Variants in PEAK1 observed in about 807,000 individuals in gnomAD.
PEAK1 encodes pseudopodium enriched atypical kinase 1.
Under a neutral mutation model 124.7 loss-of-function variants are expected in PEAK1, and 54 were observed. The ratio of observed to expected loss-of-function variants is 0.43; its 90% confidence interval spans 0.35 to 0.54. PEAK1 has a LOEUF of 0.54. Ranked by LOEUF, PEAK1 falls within the 20% of genes least tolerant of loss-of-function variation. The pLI, the probability that PEAK1 is intolerant of heterozygous loss-of-function variation, is 0.01. For synonymous variants in PEAK1, 719 were observed against 760.0 expected (o/e 0.95, Z 0.89); for missense variants, 2,046 against 2,134.5 (o/e 0.96, Z 0.82).
chr15:77,247,961 C>T (rs749066581), intron 6 of PEAK1, among the ~76,000 whole-genome samples: 1 of 152,122 alleles, frequency 6.6e-6, no homozygotes, highest in Non-Finnish European at 1.5e-5. Context: ...CACAATACTA[C>T]TAATTTTATA....
intron 2 of PEAK1, among the ~76,000 whole-genome samples, chr15:77,342,742 T>TTAGC (rs1327091507): frequency 1.3e-5 from 2 of 152,176 alleles, no homozygotes; most frequent in Non-Finnish European, 2.9e-5. Flanking sequence ...ATTATTTCAC[T>TTAGC]TAGCATAATG....
intron 2 of PEAK1, among the ~76,000 whole-genome samples, chr15:77,290,265 C>T (rs2063147922): frequency 6.6e-6 from 1 of 152,202 alleles, no homozygotes; most frequent in African/African-American, 2.4e-5. Context: ...GCTGGGATTA[C>T]AGGTGCCCAG....
intron 5 of PEAK1, among the ~76,000 whole-genome samples, chr15:77,265,962 T>C (rs56354272): frequency 0.065 from 9,904 of 152,270 alleles, 458 homozygotes; most frequent in Middle Eastern, 0.13. Context: ...TGTAGGGACA[T>C]GGATGAAATT....
chr15:77,388,132 T>C (rs954364319), intron 1 of PEAK1, among the ~76,000 whole-genome samples: 9 of 152,120 alleles, frequency 5.9e-5, no homozygotes, highest in Non-Finnish European at 1.3e-4. Flanking sequence ...AGGTAAAAGC[T>C]GCAGTAAGTC....
At chr15:77,302,710 A>T (rs148014412) in intron 2 of PEAK1, among the ~76,000 whole-genome samples, 4 of 152,278 alleles carry the variant, frequency 2.6e-5, no homozygotes, top group African/African-American at 9.6e-5. Flanking sequence ...GGATACATTT[A>T]TAATACATTT....
chr15:77,325,407 C>CAATA (rs140910763), intron 2 of PEAK1, among the ~76,000 whole-genome samples: 24,473 of 143,936 alleles, frequency 0.17, 2,304 homozygotes, highest in East Asian at 0.35. Flanking sequence ...GATCCCATCT[C>CAATA]AATAAATAAA....
intron 1 of PEAK1, among the ~76,000 whole-genome samples, chr15:77,378,423 A>G (rs1169770427): frequency 6.6e-6 from 1 of 152,076 alleles, no homozygotes; most frequent in Non-Finnish European, 1.5e-5. Context: ...CAGAGTACGG[A>G]ATTCAATAGT....
chr15:77,301,401 G>A (rs946225712), intron 2 of PEAK1, among the ~76,000 whole-genome samples: 1 of 152,264 alleles, frequency 6.6e-6, no homozygotes, highest in East Asian at 1.9e-4. Context: ...CATCTGCAGA[G>A]GCACTTTTTA....
At position 77,111,696 on chromosome 15, in the gene PEAK1, G is replaced by A. The variant is rs2152705942; in HGVS notation, c.*2460C>T. 1 of 151,938 alleles carries A rather than the reference G, an allele frequency of 6.6e-6. No individual in the cohort carries two copies. The highest frequency in any genetic ancestry group is 1.9e-4 in the East Asian group (1 of 5,184). 9.4% of individuals were successfully genotyped at this position (151,938 alleles called of 1,614,324 possible). A position where few individuals can be genotyped will look rare whatever the true frequency, so the allele number is the denominator to read the frequency against. ...TATTATACCATAGAGTTAAAGTGAA[G>A]ACTGGATCCAAATCATAACAGAAAA... On this transcript the variant is annotated 3_prime_UTR_variant, in exon 10 of 10. Coordinates refer to ENST00000682557, the MANE Select transcript of PEAK1 (RefSeq NM_001385026.1).
chr15:77,122,021 T>G (rs1245248281), intron 9 of PEAK1, among the ~76,000 whole-genome samples: 2 of 152,224 alleles, frequency 1.3e-5, no homozygotes, highest in African/African-American at 4.8e-5. Flanking sequence ...TGATCAGTGA[T>G]TGACCTCAAT....
chr15:77,192,658 C>T (rs2152835009), intron 6 of PEAK1, among the ~76,000 whole-genome samples: 1 of 152,204 alleles, frequency 6.6e-6, no homozygotes, highest in South Asian at 2.1e-4. Context: ...GGTGCTGGGC[C>T]CCTGGCCCTT....
chr15:77,167,273 C>G (rs190402234), intron 7 of PEAK1, among the ~76,000 whole-genome samples: 1 of 152,226 alleles, frequency 6.6e-6, no homozygotes, highest in South Asian at 2.1e-4. Context: ...GGAACCATTC[C>G]TAACCTTCTG....
At chr15:77,386,986 A>G (rs1440233015) in intron 1 of PEAK1, among the ~76,000 whole-genome samples, 1 of 152,210 alleles carries the variant, frequency 6.6e-6, no homozygotes, top group Non-Finnish European at 1.5e-5. Flanking sequence ...AAAAAAATCT[A>G]TTTAAACAAG....
chr15:77,333,337 T>C (rs2066006378), intron 2 of PEAK1: 12 of 982,958 alleles, frequency 1.2e-5, no homozygotes, highest in Non-Finnish European at 1.3e-5. Flanking sequence ...AGAAGAGCAC[T>C]TCTATATACA....
intron 9 of PEAK1, among the ~76,000 whole-genome samples, chr15:77,126,813 C>A (rs932836327): frequency 6.6e-6 from 1 of 152,068 alleles, no homozygotes; most frequent in African/African-American, 2.4e-5. Flanking sequence ...TCATTTAAGA[C>A]CAATACAAAT....
chr15:77,397,064 A>G, intron 1 of PEAK1, among the ~76,000 whole-genome samples: 1 of 152,194 alleles, frequency 6.6e-6, no homozygotes, highest in East Asian at 1.9e-4. Flanking sequence ...GTTAGGCCAC[A>G]AAACCATTCT....
chr15:77,313,915 A>C (rs1288394386), intron 2 of PEAK1, among the ~76,000 whole-genome samples: 5 of 151,566 alleles, frequency 3.3e-5, no homozygotes, highest in Non-Finnish European at 7.4e-5. Context: ...ATATGGAAAG[A>C]GGGGAAAAGA....
intron 6 of PEAK1, among the ~76,000 whole-genome samples, chr15:77,184,898 G>A (rs1422679304): frequency 1.7e-5 from 2 of 117,766 alleles, no homozygotes; most frequent in East Asian, 4.5e-4. Context: ...ACAACTCATA[G>A]AACTACGCAC....
intron 2 of PEAK1, chr15:77,348,025 A>G (rs2066974363): frequency 1.4e-5 from 14 of 985,338 alleles, no homozygotes; most frequent in Non-Finnish European, 1.7e-5. Context: ...AAATTCCCAA[A>G]CTATGCACAT....
Sources: allele counts gnomAD v4.1 joint callset (sites outside exome capture counted in the v4.1 genomes callset), GRCh38; gene constraint gnomAD v4.1.1; transcripts MANE v1.5; gene names NCBI Gene and HGNC (gene_info 2026-07-23, HGNC 2026-07-21).